OCA2: variants seen among roughly 807,000 people sequenced by gnomAD.
OCA2 encodes P protein.
Under a neutral mutation model 100.2 loss-of-function variants are expected in OCA2, and 77 were observed. The ratio of observed to expected loss-of-function variants is 0.77; its 90% CI spans 0.64 to 0.93. The LOEUF is 0.93. OCA2 is among the 40% of genes least tolerant of loss of function. OCA2 has a pLI of 0.00. For missense variants in OCA2, 1,062 were observed against 1,089.1 expected (o/e 0.98, Z 0.35); for synonymous variants, 432 against 439.2 (o/e 0.98, Z 0.21).
In OCA2 at chr15:27,854,941, G is replaced by A. The variant is rs973108727; in HGVS notation, c.2245-3466C>T. Among the ~76,000 whole-genome samples, 7 of 152,178 alleles carry A rather than the reference G, an allele frequency of 4.6e-5. No individual in the cohort carries two copies. In the East Asian group the frequency reaches 1.4e-3, roughly 29 times the overall value. On this transcript the variant is annotated intron_variant, in intron 21 of 23. Transcript: ENST00000354638. ...AGGAGGCAATGTCTTCAAGCTTAGT[G>A]ATGTGGAAATTCCAGCAAGTGCTCC...
chr15:28,082,390 C>T (rs751100520), intron 1 of OCA2, among the ~76,000 whole-genome samples: 27 of 152,186 alleles, frequency 1.8e-4, no homozygotes, highest in South Asian at 6.2e-4. Context: ...TTTGTGCCAC[C>T]TTTAAGAGCT....
intron 9 of OCA2, among the ~76,000 whole-genome samples, chr15:27,992,278 T>C (rs1185288221): frequency 1.3e-5 from 2 of 152,196 alleles, no homozygotes; most frequent in African/African-American, 2.4e-5. Context: ...TTTTTATATT[T>C]TTAGTAGAGA....
intron 23 of OCA2, among the ~76,000 whole-genome samples, chr15:27,804,339 A>G (rs1473143570): frequency 1.3e-5 from 2 of 152,198 alleles, no homozygotes; most frequent in African/African-American, 4.8e-5. Context: ...AATGGCCCCT[A>G]AGCAACATTT....
intron 21 of OCA2, 132 bp downstream of exon 21, chr15:27,871,022 A>C: frequency 1.3e-6 from 1 of 750,858 alleles, no homozygotes; most frequent in South Asian, 1.5e-5. Flanking sequence ...GGCTCTGCTC[A>C]CTTTCGTCCT....
At chr15:28,051,754 G>T (rs1399302579) in intron 2 of OCA2, among the ~76,000 whole-genome samples, 1 of 151,910 alleles carries the variant, frequency 6.6e-6, no homozygotes, top group Admixed American at 6.6e-5. Flanking sequence ...TCCAGACCAG[G>T]TGTAGTCTCC....
At chr15:28,008,069 G>C (rs2042138223) in intron 9 of OCA2, among the ~76,000 whole-genome samples, 1 of 152,140 alleles carries the variant, frequency 6.6e-6, no homozygotes, top group Non-Finnish European at 1.5e-5. Flanking sequence ...ACTTGCTCTA[G>C]GCCAGGCAGT....
intron 23 of OCA2, among the ~76,000 whole-genome samples, chr15:27,815,950 G>A (rs919186265): frequency 2.6e-5 from 4 of 152,162 alleles, no homozygotes; most frequent in African/African-American, 9.7e-5. Context: ...TGACCAACAT[G>A]GAGAAACCCC....
intron 13 of OCA2, among the ~76,000 whole-genome samples, chr15:27,983,948 G>A (rs2041255860): frequency 1.3e-5 from 2 of 149,362 alleles, no homozygotes. Flanking sequence ...ATTCATCTAT[G>A]TATTTTCTAT....
At chr15:28,022,440 G>A in intron 6 of OCA2, 61 bp downstream of exon 6, 2 of 1,203,156 alleles carry the variant, frequency 1.7e-6, no homozygotes, top group East Asian at 2.3e-5. Context: ...GTCTGCAAGT[G>A]TCTCCTTGTG....
intron 9 of OCA2, among the ~76,000 whole-genome samples, chr15:28,009,225 C>T (rs1162459851): frequency 6.6e-6 from 1 of 152,202 alleles, no homozygotes; most frequent in Non-Finnish European, 1.5e-5. Flanking sequence ...CATCAAGTTA[C>T]AGACACAACA....
intron 23 of OCA2, among the ~76,000 whole-genome samples, chr15:27,790,719 A>G (rs867622068): frequency 2.0e-5 from 3 of 152,158 alleles, no homozygotes; most frequent in Admixed American, 6.5e-5. Context: ...ATATTTGCCA[A>G]AACTGATTAA....
intron 19 of OCA2, among the ~76,000 whole-genome samples, chr15:27,886,380 G>C (rs1427624233): frequency 6.6e-6 from 1 of 152,138 alleles, no homozygotes; most frequent in Non-Finnish European, 1.5e-5. Context: ...AAACCAAACG[G>C]CCGCTGAGAA....
chr15:28,000,967 TG>T (rs2041906393), intron 9 of OCA2, among the ~76,000 whole-genome samples: 1 of 152,142 alleles, frequency 6.6e-6, no homozygotes, highest in African/African-American at 2.4e-5. Flanking sequence ...TAACAAATGT[TG>T]GGTAGGATGT....
intron 5 of OCA2, among the ~76,000 whole-genome samples, chr15:28,024,084 G>A (rs1043424853): frequency 6.6e-6 from 1 of 152,206 alleles, no homozygotes; most frequent in Non-Finnish European, 1.5e-5. Flanking sequence ...CACCAAGGCT[G>A]GCAGTGGGAC....
chr15:27,961,304 T>C (rs753266522), intron 15 of OCA2, among the ~76,000 whole-genome samples: 10 of 152,098 alleles, frequency 6.6e-5, no homozygotes, highest in Non-Finnish European at 1.5e-4. Flanking sequence ...AAACAACAAA[T>C]GCTGGAGAGG....
In OCA2 at chr15:27,857,805, CT is replaced by C. The variant is rs1191631210; in HGVS notation, c.2245-6331del. ...GGCATTCAGCTAATAAAGATGTAAT[CT>C]ATGAAGGAAGTAAGGACTGAACTGT... On this transcript the variant is annotated intron_variant, in intron 21 of 23. Transcript: ENST00000354638. Among the ~76,000 whole-genome samples the C allele has an allele frequency of 3.3e-5, 5 of 152,108 alleles. No individual in the cohort carries two copies. In the South Asian group the frequency reaches 6.2e-4, roughly 19 times the overall value.
intron 23 of OCA2, among the ~76,000 whole-genome samples, chr15:27,810,827 T>C (rs1388880393): frequency 6.6e-6 from 1 of 152,136 alleles, no homozygotes; most frequent in Non-Finnish European, 1.5e-5. Flanking sequence ...TGAGATGCCA[T>C]CTTACTCTTG....
intron 19 of OCA2, among the ~76,000 whole-genome samples, chr15:27,889,616 G>A (rs1023538251): frequency 2.6e-5 from 4 of 152,164 alleles, no homozygotes; most frequent in African/African-American, 9.7e-5. Flanking sequence ...TCCGTCATGG[G>A]GCATTTGTTC....
chr15:27,980,359 C>T (rs1294789547), intron 14 of OCA2, among the ~76,000 whole-genome samples: 1 of 152,062 alleles, frequency 6.6e-6, no homozygotes, highest in Non-Finnish European at 1.5e-5. Flanking sequence ...GATCTCCTGA[C>T]CTCATGATCC....
Sources: allele counts gnomAD v4.1 joint callset (sites outside exome capture counted in the v4.1 genomes callset), GRCh38; gene constraint gnomAD v4.1.1; transcripts MANE v1.5; gene names NCBI Gene and HGNC (gene_info 2026-07-23, HGNC 2026-07-21).